Variants in SUPT3H observed in about 807,000 individuals in gnomAD.
The protein encoded by SUPT3H is SPT3 homolog, SAGA and STAGA complex component.
In SUPT3H, 44 loss-of-function variants were observed where a neutral mutation model predicts 44.3. The ratio of observed to expected loss-of-function variants is 0.99; its 90% CI spans 0.78 to 1.28. SUPT3H has a LOEUF of 1.28. Ranked by LOEUF, SUPT3H falls within the 50% of genes most tolerant of loss-of-function variation. The pLI is 0.00. For missense variants in SUPT3H, 380 were observed against 387.1 expected, an observed-to-expected ratio of 0.98 and a Z score of 0.15; for synonymous variants, 124 against 125.6, an observed-to-expected ratio of 0.99 and a Z score of 0.09.
At chr6:44,934,793 T>C (rs9463053) in intron 9 of SUPT3H, among the ~76,000 whole-genome samples, 17,931 of 152,144 alleles carry the variant, frequency 0.12, 1,249 homozygotes, top group African/African-American at 0.19. Context: ...TCCAGAACTA[T>C]AAGAAATACA....
intron 2 of SUPT3H, chr6:45,328,340 C>T (rs1013252778): frequency 2.2e-6 from 3 of 1,376,760 alleles, no homozygotes; most frequent in Admixed American, 3.8e-5. Context: ...ATTCGCCTCA[C>T]AAACAACCAC....
chr6:45,117,997 T>A (rs1006501296), intron 2 of SUPT3H, among the ~76,000 whole-genome samples: 18 of 151,962 alleles, frequency 1.2e-4, no homozygotes, highest in African/African-American at 4.3e-4. Flanking sequence ...AGAACATGGA[T>A]AAAAAAGTGA....
rs1330108207 is a variant in SUPT3H, at chr6:45,198,358, T to TA, written c.102-92353dup. Among the ~76,000 whole-genome samples the TA allele has an allele frequency of 2.0e-5, 3 of 151,540 alleles. No homozygotes were observed. In the East Asian group the frequency reaches 5.8e-4, roughly 29 times the overall value. On this transcript the variant is annotated intron_variant, in intron 2 of 10. Coordinates refer to ENST00000371459, the MANE Select transcript of SUPT3H (RefSeq NM_003599.4). ...CCTCATTTGCTATAATGTAAGTTCT[T>TA]AGATGGAAATACTGAATTAAACACT...
intron 10 of SUPT3H, among the ~76,000 whole-genome samples, chr6:44,898,239 A>T (rs148622712): frequency 2.6e-5 from 4 of 152,308 alleles, no homozygotes; most frequent in African/African-American, 9.6e-5. Context: ...CCGGGTATTC[A>T]TGCCCTTATG....
intron 9 of SUPT3H, among the ~76,000 whole-genome samples, chr6:44,935,153 G>A (rs190190915): frequency 6.6e-6 from 1 of 150,938 alleles, no homozygotes; most frequent in African/African-American, 2.4e-5. Context: ...GCCTTTAAAC[G>A]TTATAATCCC....
chr6:45,082,795 A>C (rs1028504949), intron 3 of SUPT3H, among the ~76,000 whole-genome samples: 1 of 152,206 alleles, frequency 6.6e-6, no homozygotes, highest in Non-Finnish European at 1.5e-5. Context: ...AGGAGAGAGA[A>C]ATAAAAGGCA....
intron 2 of SUPT3H, among the ~76,000 whole-genome samples, chr6:45,346,823 C>A (rs186618293): frequency 1.3e-5 from 2 of 152,056 alleles, no homozygotes; most frequent in Non-Finnish European, 2.9e-5. Context: ...CCTTGGCCCC[C>A]CAAAGTGCTA....
chr6:45,240,256 G>A (rs1770033927), intron 2 of SUPT3H, among the ~76,000 whole-genome samples: 1 of 152,078 alleles, frequency 6.6e-6, no homozygotes, highest in Non-Finnish European at 1.5e-5. Flanking sequence ...CACAGATGGT[G>A]GAAGAAAACC....
At chr6:44,960,122 A>AT (rs1002775782) in intron 7 of SUPT3H, among the ~76,000 whole-genome samples, 6 of 152,274 alleles carry the variant, frequency 3.9e-5, no homozygotes, top group African/African-American at 1.4e-4. Flanking sequence ...GGAAAATATT[A>AT]TTTTTTAATC....
intron 2 of SUPT3H, among the ~76,000 whole-genome samples, chr6:45,301,006 A>G (rs1782067011): frequency 6.6e-6 from 1 of 152,160 alleles, no homozygotes; most frequent in Non-Finnish European, 1.5e-5. Context: ...GACAAAGACA[A>G]GGCCTTATAC....
intron 5 of SUPT3H, among the ~76,000 whole-genome samples, chr6:45,008,245 T>C (rs1414646335): frequency 1.3e-5 from 2 of 152,222 alleles, no homozygotes; most frequent in Non-Finnish European, 2.9e-5. Flanking sequence ...TTTACCCTTT[T>C]GAGGAACTTC....
chr6:45,301,012 T>C (rs1013748883), intron 2 of SUPT3H, among the ~76,000 whole-genome samples: 1 of 152,124 alleles, frequency 6.6e-6, no homozygotes, highest in Non-Finnish European at 1.5e-5. Flanking sequence ...GACAAGGCCT[T>C]ATACCCTTAT....
Position 44,846,775 on chromosome 6 carries a change from G to A in SUPT3H, c.913-16918C>T, listed in dbSNP as rs140745513. Among the ~76,000 whole-genome samples the A allele has an allele frequency of 8.3e-3, 1,265 of 152,222 alleles. 5 individuals are homozygous for A. Among genetic ancestry groups the A allele is most frequent in the Non-Finnish European group, 0.011 (759 of 68,020 alleles). ...GCTTTCTGAGTAGCTGGGATTACAGGCATCTGCCACCACATCTGGCTCATT... is the reference window on the plus strand; with the variant it reads ...GCTTTCTGAGTAGCTGGGATTACAGACATCTGCCACCACATCTGGCTCATT... On this transcript the variant is annotated intron_variant, in intron 10 of 10. Coordinates refer to ENST00000371459, the MANE Select transcript of SUPT3H (RefSeq NM_003599.4).
At chr6:45,072,541 TG>T (rs1375004942) in intron 3 of SUPT3H, among the ~76,000 whole-genome samples, 1 of 152,132 alleles carries the variant, frequency 6.6e-6, no homozygotes, top group Admixed American at 6.6e-5. Flanking sequence ...TAAGAAGCAT[TG>T]ACTTAGAATT....
intron 10 of SUPT3H, among the ~76,000 whole-genome samples, chr6:44,928,882 C>CAAAAAAAAAAAAAAAAAA (rs35656937): frequency 3.4e-4 from 7 of 20,626 alleles, no homozygotes; most frequent in East Asian, 1.7e-3. Flanking sequence ...GACTCCGTCT[C>CAAAAAAAAAAAAAAAAAA]AAAAAAAAAA....
intron 10 of SUPT3H, among the ~76,000 whole-genome samples, chr6:44,883,152 A>C (rs549123888): frequency 4.7e-4 from 71 of 152,344 alleles, no homozygotes; most frequent in African/African-American, 1.7e-3. Context: ...ATCTCAGCCC[A>C]AAATCTCCTT....
intron 2 of SUPT3H, among the ~76,000 whole-genome samples, chr6:45,284,608 T>A (rs1778859456): frequency 6.6e-6 from 1 of 152,092 alleles, no homozygotes; most frequent in South Asian, 2.1e-4. Flanking sequence ...ATTAATAGCT[T>A]ACCAACCAAA....
chr6:45,292,590 C>G (rs941175021), intron 2 of SUPT3H, among the ~76,000 whole-genome samples: 6 of 151,430 alleles, frequency 4.0e-5, no homozygotes, highest in Admixed American at 1.3e-4. Flanking sequence ...GGAGACTCAC[C>G]TAGCTAACAT....
rs150241167 is a variant in SUPT3H, at chr6:45,096,090, A to G, written c.186+9832T>C. On this transcript the variant is annotated intron_variant, in intron 3 of 10. Coordinates refer to ENST00000371459, the MANE Select transcript of SUPT3H (RefSeq NM_003599.4). ...ATATATATAATCTTTATGATGCTTT[A>G]TAACTACAGTAAAAAGTAAATATTA... 6.3e-3 allele frequency among the ~76,000 whole-genome samples: 958 copies of G among 152,254 alleles called. 18 individuals carry two copies. Among genetic ancestry groups the G allele is most frequent in the African/African-American group, 0.022 (905 of 41,546 alleles).
Sources: allele counts gnomAD v4.1 joint callset (sites outside exome capture counted in the v4.1 genomes callset), GRCh38; gene constraint gnomAD v4.1.1; transcripts MANE v1.5; gene names NCBI Gene and HGNC (gene_info 2026-07-23, HGNC 2026-07-21).